Variants in DMD observed in about 807,000 individuals in gnomAD.
The protein encoded by DMD is dystrophin.
In DMD, 63 loss-of-function variants were observed where a neutral mutation model predicts 330.1. That is an observed-to-expected ratio of 0.19 (90% CI 0.16 to 0.24). The LOEUF (loss-of-function observed/expected upper bound fraction) is 0.24, where lower values mean the gene tolerates loss of function less well. DMD is among the 10% of genes least tolerant of loss of function. DMD has a pLI of 1.00. For missense variants in DMD, 3,344 were observed against 2,684.1 expected, an observed-to-expected ratio of 1.25 and a Z score of -5.43; for synonymous variants, 1,223 against 959.8, an observed-to-expected ratio of 1.27 and a Z score of -5.07.
chrX:32,771,956 A>T (rs1385232415), intron 7 of DMD, among the ~76,000 whole-genome samples: 3 of 112,039 alleles, frequency 2.7e-5, no homozygotes, highest in Non-Finnish European at 5.6e-5. Context: ...GGAGGTCCTA[A>T]CTAAGCCAGT....
chrX:33,267,838 T>C, intron 1 of DMD, among the ~76,000 whole-genome samples: 1 of 111,808 alleles, frequency 8.9e-6, no homozygotes, highest in Non-Finnish European at 1.9e-5. Context: ...CCAGGATCAC[T>C]GGCTAGCCAT....
intron 16 of DMD, among the ~76,000 whole-genome samples, chrX:32,556,789 C>G (rs1479252183): frequency 9.0e-6 from 1 of 111,025 alleles, no homozygotes; most frequent in Non-Finnish European, 1.9e-5. Flanking sequence ...ATATTATTGC[C>G]TTTGTAACTT....
intron 1 of DMD, among the ~76,000 whole-genome samples, chrX:33,253,500 T>C (rs2052804876): frequency 9.0e-6 from 1 of 111,716 alleles, no homozygotes; most frequent in Admixed American, 9.5e-5. Flanking sequence ...TAGATACATT[T>C]ATCATTATAG....
At chrX:31,218,221 CTTT>C (rs138180556) in intron 64 of DMD, among the ~76,000 whole-genome samples, 1 of 97,672 alleles carries the variant, frequency 1.0e-5, no homozygotes, top group African/African-American at 3.7e-5. Context: ...TTCTGGGTTT[CTTT>C]TTTTTTTTTT....
At chrX:31,495,314 C>T (rs748023411) in intron 57 of DMD, among the ~76,000 whole-genome samples, 66 of 111,288 alleles carry the variant, frequency 5.9e-4, no homozygotes, top group Non-Finnish European at 1.1e-3. Flanking sequence ...GCTCAACATA[C>T]AAAAGTGGTA....
chrX:31,988,675 G>A (rs1310091253), intron 44 of DMD, among the ~76,000 whole-genome samples: 2 of 109,349 alleles, frequency 1.8e-5, no homozygotes, highest in South Asian at 8.0e-4. Context: ...ATGAAAAATT[G>A]AGGTCACCTT....
chrX:31,894,696 C>T (rs1375015152), intron 47 of DMD, among the ~76,000 whole-genome samples: 1 of 111,998 alleles, frequency 8.9e-6, no homozygotes, highest in Non-Finnish European at 1.9e-5. Flanking sequence ...CATCGCTGTC[C>T]ATTAGAGCAT....
At chrX:32,696,586 G>T (rs761488075) in intron 9 of DMD, among the ~76,000 whole-genome samples, 86 of 111,791 alleles carry the variant, frequency 7.7e-4, no homozygotes, top group Non-Finnish European at 1.2e-3. Flanking sequence ...AGTCATACCT[G>T]AGCGATGCCT....
At chrX:32,093,759 G>C (rs1207113685) in intron 44 of DMD, among the ~76,000 whole-genome samples, 1 of 110,863 alleles carries the variant, frequency 9.0e-6, no homozygotes, top group Non-Finnish European at 1.9e-5. Context: ...CTAGAATTAA[G>C]ACAATGGCCC....
At chrX:32,095,170 A>C (rs974463640) in intron 44 of DMD, among the ~76,000 whole-genome samples, 2 of 111,560 alleles carry the variant, frequency 1.8e-5, no homozygotes, top group Non-Finnish European at 3.8e-5. Flanking sequence ...ACTTGATCAA[A>C]TAATAGGGCC....
chrX:32,318,478 C>G (rs2097593022), intron 41 of DMD, among the ~76,000 whole-genome samples: 1 of 111,371 alleles, frequency 9.0e-6, no homozygotes, highest in Admixed American at 9.6e-5. Flanking sequence ...TTAGTCAAGT[C>G]ACTGGGTAGA....
chrX:32,671,550 T>A (rs968983747), intron 9 of DMD, among the ~76,000 whole-genome samples: 1 of 112,153 alleles, frequency 8.9e-6, no homozygotes, highest in Non-Finnish European at 1.9e-5. Flanking sequence ...TATAATCATT[T>A]TCTGCCAAAT....
At chrX:31,943,061 G>A (rs955589372) in intron 45 of DMD, among the ~76,000 whole-genome samples, 1 of 112,203 alleles carries the variant, frequency 8.9e-6, no homozygotes, top group Non-Finnish European at 1.9e-5. Context: ...TGTAAATAAA[G>A]TTTTACTGGA....
At chrX:33,155,654 G>A (rs1182880602) in intron 1 of DMD, among the ~76,000 whole-genome samples, 2 of 110,863 alleles carry the variant, frequency 1.8e-5, no homozygotes, top group Non-Finnish European at 3.8e-5. Context: ...GAGGCTCTGG[G>A]CCTTAAAGAA....
chrX:31,342,621 AC>A, intron 61 of DMD, among the ~76,000 whole-genome samples: 1 of 111,543 alleles, frequency 9.0e-6, no homozygotes, highest in Middle Eastern at 4.6e-3. Context: ...CTTTTAAGGG[AC>A]CTCTGGAACT....
chrX:32,652,923 C>G (rs1302096226), intron 9 of DMD, among the ~76,000 whole-genome samples: 2 of 112,190 alleles, frequency 1.8e-5, no homozygotes, highest in Non-Finnish European at 3.8e-5. Flanking sequence ...TGATGATGAG[C>G]ATTTTTTTCA....
chrX:31,370,342 T>C (rs1334021270), intron 60 of DMD, among the ~76,000 whole-genome samples: 1 of 111,354 alleles, frequency 9.0e-6, no homozygotes, highest in African/African-American at 3.3e-5. Context: ...AAAACCGAAC[T>C]ATAAAAAAAC....
rs1234402226 is a variant in DMD at position 31,691,242 on chromosome X, C to A, written c.7661-11656G>T. ...CAGCTTATAAAATGTTTTATGTAAG[C>A]CTCGGAGTATCCACAAAGCACAAAC... is the stretch of plus-strand genomic sequence containing the variant. On this transcript the variant is annotated intron_variant, in intron 52 of 78. Coordinates refer to ENST00000357033, the MANE Select transcript of DMD (RefSeq NM_004006.3). Among the ~76,000 whole-genome samples, 5 of 110,981 alleles carry A rather than the reference C, an allele frequency of 4.5e-5. No homozygotes were observed. In the Admixed American group the frequency reaches 4.8e-4, roughly 11 times the overall value.
At chrX:32,398,679 G>C (rs1017845353) in intron 30 of DMD, among the ~76,000 whole-genome samples, 1 of 111,142 alleles carries the variant, frequency 9.0e-6, no homozygotes, top group African/African-American at 3.3e-5. Flanking sequence ...GATAATAGAA[G>C]AGTTCATTAT....
Sources: gnomAD v4.1 joint callset for allele counts (sites outside exome capture counted in the v4.1 genomes callset) on GRCh38, gnomAD v4.1.1 for gene constraint, MANE v1.5 for transcripts, NCBI Gene and HGNC (gene_info 2026-07-23, HGNC 2026-07-21) for gene names.